The following LINGO2 variants were observed in gnomAD, a reference collection of about 807,000 sequenced individuals.
LINGO2 encodes leucine-rich repeat and immunoglobulin-like domain-containing nogo receptor-interacting protein 2.
A neutral mutation model predicts 30.6 loss-of-function variants in LINGO2; 14 were observed. The ratio of observed to expected loss-of-function variants is 0.46; its 90% CI spans 0.30 to 0.72. The LOEUF is 0.72. Ranked by LOEUF, LINGO2 falls within the 30% of genes least tolerant of loss-of-function variation. LINGO2 has a pLI of 0.07. For missense variants in LINGO2, 729 were observed against 751.7 expected, an observed-to-expected ratio of 0.97 and a Z score of 0.35; for synonymous variants, 317 against 288.5, an observed-to-expected ratio of 1.10 and a Z score of -1.00.
chr9:28,321,835 T>TAA (rs1261411963), intron 3 of LINGO2, among the ~76,000 whole-genome samples: 1 of 152,042 alleles, frequency 6.6e-6, no homozygotes, highest in African/African-American at 2.4e-5. Context: ...AATGAAGAGA[T>TAA]AGTTTCCCAA....
intron 1 of LINGO2, among the ~76,000 whole-genome samples, chr9:28,507,170 G>C (rs1587775076): frequency 1.3e-5 from 2 of 151,600 alleles, no homozygotes; most frequent in South Asian, 4.2e-4. Context: ...ATCCTGGATA[G>C]CTCAGCAAAA....
intron 2 of LINGO2, among the ~76,000 whole-genome samples, chr9:28,406,678 A>G (rs1166581841): frequency 6.6e-6 from 1 of 152,186 alleles, no homozygotes; most frequent in Non-Finnish European, 1.5e-5. Context: ...TGACATTTCT[A>G]GACAAACATG....
intron 4 of LINGO2, among the ~76,000 whole-genome samples, chr9:28,179,529 A>G (rs1828850143): frequency 1.3e-5 from 1 of 74,662 alleles, no homozygotes; most frequent in Non-Finnish European, 2.8e-5. Flanking sequence ...ATATATATAA[A>G]CTATATATAG....
chr9:28,400,605 C>T (rs79544996), intron 2 of LINGO2, among the ~76,000 whole-genome samples: 172 of 152,216 alleles, frequency 1.1e-3, no homozygotes, highest in Non-Finnish European at 2.1e-3. Context: ...TGTAAGGTAT[C>T]GTTAATAATA....
chr9:28,898,653 AGTTGCTTT>A, the LINGO2 span, among the ~76,000 whole-genome samples: 1 of 152,140 alleles, frequency 6.6e-6, no homozygotes, highest in Non-Finnish European at 1.5e-5. Flanking sequence ...TAGGAATGGG[AGTTGCTTT>A]CTCTCCAAAT....
chr9:29,106,164 A>T, the LINGO2 span, among the ~76,000 whole-genome samples: 1 of 152,168 alleles, frequency 6.6e-6, no homozygotes, highest in Non-Finnish European at 1.5e-5. Flanking sequence ...TAATCTCAAG[A>T]TTCAAAATAC....
At chr9:28,823,419 CAGATATGTAGCTCTTTT>C in the LINGO2 span, among the ~76,000 whole-genome samples, 1 of 152,152 alleles carries the variant, frequency 6.6e-6, no homozygotes, top group African/African-American at 2.4e-5. Flanking sequence ...AACGTATCTC[CAGATATGTAGCTCTTTT>C]AGGACTTTGT....
intron 2 of LINGO2, among the ~76,000 whole-genome samples, chr9:28,468,153 G>A (rs997823374): frequency 1.3e-5 from 2 of 152,022 alleles, no homozygotes; most frequent in Non-Finnish European, 2.9e-5. Context: ...CCAAGCAAAT[G>A]CCCAATCAAG....
the LINGO2 span, among the ~76,000 whole-genome samples, chr9:28,676,704 C>G: frequency 6.6e-6 from 1 of 151,952 alleles, no homozygotes; most frequent in East Asian, 1.9e-4. Flanking sequence ...CTTACATTTC[C>G]TTTTGTTCTT....
the LINGO2 span, among the ~76,000 whole-genome samples, chr9:28,992,361 T>A: frequency 6.6e-6 from 1 of 152,104 alleles, no homozygotes. Context: ...CCCAAATTCA[T>A]AAAGCAAGTC....
At chr9:29,091,104 A>G in the LINGO2 span, among the ~76,000 whole-genome samples, 1 of 152,222 alleles carries the variant, frequency 6.6e-6, no homozygotes, top group South Asian at 2.1e-4. Context: ...TCTTGTTGAC[A>G]TTCATGATAT....
chr9:28,826,934 G>C, the LINGO2 span, among the ~76,000 whole-genome samples: 6,558 of 152,134 alleles, frequency 0.043, 219 homozygotes, highest in Admixed American at 0.084. Context: ...CTGAAACCCA[G>C]TTTCTGAGTG....
intron 3 of LINGO2, among the ~76,000 whole-genome samples, chr9:28,348,882 G>T (rs1359052030): frequency 6.6e-6 from 1 of 152,118 alleles, no homozygotes; most frequent in Admixed American, 6.5e-5. Flanking sequence ...CCCCCCACCA[G>T]GGGCACACTG....
chr9:28,712,805 G>A, the LINGO2 span, among the ~76,000 whole-genome samples: 1 of 151,952 alleles, frequency 6.6e-6, no homozygotes, highest in Non-Finnish European at 1.5e-5. Context: ...ATATGATTAA[G>A]AAACATAGAA....
chr9:28,083,105 A>C (rs1283947174), intron 4 of LINGO2, among the ~76,000 whole-genome samples: 1 of 152,152 alleles, frequency 6.6e-6, no homozygotes. Context: ...CACCTCTAAG[A>C]GTAGAATTAT....
At position 28,565,464 on chromosome 9, in the gene LINGO2, C is replaced by T. The variant is rs138752883; in HGVS notation, c.-364-89439G>A. 2.4e-3 allele frequency among the ~76,000 whole-genome samples: 366 copies of T among 151,442 alleles called. 1 individual carries two copies. The highest frequency in any genetic ancestry group is 8.5e-3 in the African/African-American group (353 of 41,342). Reference sequence around the variant, plus strand: ...CCTCCCAAAGTGCTGGGATTGTAGGCGTGAGGCATCATGCCTGATAAGGAA... The same window carrying T: ...CCTCCCAAAGTGCTGGGATTGTAGGTGTGAGGCATCATGCCTGATAAGGAA... On this transcript the variant is annotated intron_variant, in intron 1 of 5. Transcript: ENST00000379992.
the LINGO2 span, among the ~76,000 whole-genome samples, chr9:29,178,787 A>G: frequency 6.6e-6 from 1 of 152,066 alleles, no homozygotes; most frequent in Non-Finnish European, 1.5e-5. Flanking sequence ...GGAAGAGGAA[A>G]GGAAACAGTA....
At chr9:28,362,860 C>G (rs1430624301) in intron 3 of LINGO2, among the ~76,000 whole-genome samples, 3 of 152,110 alleles carry the variant, frequency 2.0e-5, no homozygotes, top group East Asian at 1.9e-4. Context: ...TTTATTCTAA[C>G]AAGACTAATT....
At chr9:28,188,553 T>A (rs1819626926) in intron 4 of LINGO2, among the ~76,000 whole-genome samples, 1 of 152,032 alleles carries the variant, frequency 6.6e-6, no homozygotes, top group African/African-American at 2.4e-5. Flanking sequence ...GGAAAAAAAA[T>A]TACTGTTATC....
Sources: allele counts gnomAD v4.1 joint callset (sites outside exome capture counted in the v4.1 genomes callset), GRCh38; gene constraint gnomAD v4.1.1; transcripts MANE v1.5; gene names NCBI Gene and HGNC (gene_info 2026-07-23, HGNC 2026-07-21).